Variants in CNIH3 observed in about 807,000 individuals in gnomAD.
CNIH3 encodes the protein protein cornichon homolog 3.
CNIH3 carries 14 observed loss-of-function variants against 24.1 expected under a neutral mutation model. The ratio of observed to expected loss-of-function variants is 0.58; its 90% confidence interval spans 0.38 to 0.91. CNIH3 has a LOEUF of 0.91. Among genes scored for constraint, CNIH3 ranks in the 40% least tolerant of loss-of-function variants. CNIH3 has a pLI of 0.00. For synonymous variants in CNIH3, 68 were observed against 73.8 expected (o/e 0.92, Z 0.40); for missense variants, 178 against 196.8 (o/e 0.90, Z 0.57).
chr1:224,447,095 A>G (rs1675198744), intron 1 of CNIH3, among the ~76,000 whole-genome samples: 1 of 152,152 alleles, frequency 6.6e-6, no homozygotes, highest in Non-Finnish European at 1.5e-5. Flanking sequence ...CTATAGATAT[A>G]TGAGAGGGGG....
At chr1:224,637,635 C>G (rs1684160048) in intron 1 of CNIH3, among the ~76,000 whole-genome samples, 2 of 152,218 alleles carry the variant, frequency 1.3e-5, no homozygotes, top group Non-Finnish European at 2.9e-5. Context: ...TTGTCTGGCT[C>G]AGTACAGTCT....
chr1:224,536,353 G>A (rs780598441), intron 2 of CNIH3, among the ~76,000 whole-genome samples: 2 of 146,208 alleles, frequency 1.4e-5, no homozygotes, highest in East Asian at 2.0e-4. Flanking sequence ...GTACAATGGC[G>A]TGATCTCAGC....
chr1:224,514,633 A>G (rs1179273332), upstream of CNIH3, among the ~76,000 whole-genome samples: 5 of 152,152 alleles, frequency 3.3e-5, no homozygotes, highest in African/African-American at 1.2e-4. Context: ...GAGTTCAAGA[A>G]CAGCCTGAGC....
chr1:224,527,250 G>T (rs1157367604), intron 2 of CNIH3, among the ~76,000 whole-genome samples: 1 of 152,104 alleles, frequency 6.6e-6, no homozygotes, highest in African/African-American at 2.4e-5. Flanking sequence ...GGCATCACAG[G>T]GGCTCTAGCC....
intron 1 of CNIH3, among the ~76,000 whole-genome samples, chr1:224,460,205 C>T (rs1031764195): frequency 6.6e-6 from 1 of 152,100 alleles, no homozygotes; most frequent in African/African-American, 2.4e-5. Flanking sequence ...CTTTCTTAAG[C>T]TTGGAGTCAT....
At chr1:224,498,898 T>C (rs986209876) in intron 1 of CNIH3, among the ~76,000 whole-genome samples, 4 of 152,200 alleles carry the variant, frequency 2.6e-5, no homozygotes, top group African/African-American at 4.8e-5. Flanking sequence ...GAGATTCGCA[T>C]TTTTTTGTGG....
upstream of CNIH3, chr1:224,611,376 T>G (rs1682691841): frequency 6.6e-6 from 1 of 152,232 alleles, no homozygotes. Flanking sequence ...CACCCATAAG[T>G]AACAGAATGC....
At position 224,730,569 on chromosome 1, in the gene CNIH3, C is replaced by T. The variant is rs2125241566; in HGVS notation, c.306C>T (p.Phe102=). 1 of 1,546,772 alleles carries T rather than the reference C, an allele frequency of 6.5e-7. No individual in the cohort carries two copies. The highest frequency in any genetic ancestry group is 8.8e-7 in the Non-Finnish European group (1 of 1,141,284). ...GLNVPLLFYH[F]WRYFHCPADS... ...ATGTCCCTCTACTTTTCTATCACTT[C>T]TGGAGGTAAGTCAGACTGGGACTGG... The change falls in exon 4 of 6, where the codon TTC becomes TTT. Residue 102 remains phenylalanine, a synonymous_variant. Coordinates refer to ENST00000272133, the MANE Select transcript of CNIH3 (RefSeq NM_152495.2).
chr1:224,584,738 T>G (rs1165140366), intron 5 of CNIH3, among the ~76,000 whole-genome samples: 1 of 100,426 alleles, frequency 1.0e-5, no homozygotes, highest in Non-Finnish European at 1.9e-5. Context: ...AAATAATTTG[T>G]AATTTGTTTC....
At chr1:224,503,965 G>A (rs1677794175) in intron 1 of CNIH3, among the ~76,000 whole-genome samples, 1 of 152,246 alleles carries the variant, frequency 6.6e-6, no homozygotes, top group South Asian at 2.1e-4. Context: ...TGGGGTGGAG[G>A]GGACTTGAGG....
intron 4 of CNIH3, chr1:224,583,086 G>T (rs1278030400): frequency 6.6e-6 from 1 of 152,166 alleles, no homozygotes; most frequent in Non-Finnish European, 1.5e-5. Flanking sequence ...ACATTTTAAA[G>T]AAGTTATTCT....
At chr1:224,496,915 T>C (rs2124860555) in intron 1 of CNIH3, among the ~76,000 whole-genome samples, 1 of 152,304 alleles carries the variant, frequency 6.6e-6, no homozygotes, top group East Asian at 1.9e-4. Flanking sequence ...ACACAAAAAC[T>C]TGTACAATAA....
At chr1:224,712,465 G>T (rs1688207661) in intron 3 of CNIH3, among the ~76,000 whole-genome samples, 1 of 152,114 alleles carries the variant, frequency 6.6e-6, no homozygotes, top group Non-Finnish European at 1.5e-5. Flanking sequence ...ATTGCATTTG[G>T]ATCACCTGGC....
intron 1 of CNIH3, among the ~76,000 whole-genome samples, chr1:224,477,387 ATTC>A (rs1259793804): frequency 6.6e-6 from 1 of 152,166 alleles, no homozygotes; most frequent in Non-Finnish European, 1.5e-5. Context: ...TCTTTAGGAG[ATTC>A]TTCTGCCTGC....
upstream of CNIH3, among the ~76,000 whole-genome samples, chr1:224,513,529 C>G (rs1287884407): frequency 6.6e-6 from 1 of 152,070 alleles, no homozygotes; most frequent in Non-Finnish European, 1.5e-5. Flanking sequence ...CACTTCCCAG[C>G]CTCAGTTCAG....
chr1:224,515,472 C>T (rs969089395), upstream of CNIH3, among the ~76,000 whole-genome samples: 6 of 152,158 alleles, frequency 3.9e-5, no homozygotes, highest in Non-Finnish European at 7.4e-5. Context: ...AGCAGCAGCA[C>T]GCACCAAGCC....
At chr1:224,607,664 G>GT (rs752201691) in intron 3 of CNIH3, among the ~76,000 whole-genome samples, 20 of 152,210 alleles carry the variant, frequency 1.3e-4, no homozygotes, top group Admixed American at 2.6e-4. Flanking sequence ...ACCTGTAAAA[G>GT]TAAGTGGTTA....
At chr1:224,680,010 T>C (rs1191039281) in intron 1 of CNIH3, among the ~76,000 whole-genome samples, 1 of 152,156 alleles carries the variant, frequency 6.6e-6, no homozygotes, top group Non-Finnish European at 1.5e-5. Context: ...GATTTCACCA[T>C]GTTGGCCAGG....
chr1:224,610,861 T>C (rs1432521903), intron 3 of CNIH3, among the ~76,000 whole-genome samples: 1 of 152,170 alleles, frequency 6.6e-6, no homozygotes, highest in African/African-American at 2.4e-5. Flanking sequence ...TCAGTGAACT[T>C]TCCCTGATCA....
Sources: allele counts gnomAD v4.1 joint callset (sites outside exome capture counted in the v4.1 genomes callset), GRCh38; gene constraint gnomAD v4.1.1; transcripts MANE v1.5; gene names NCBI Gene and HGNC (gene_info 2026-07-23, HGNC 2026-07-21).